ANKRD30BL: variants seen among roughly 807,000 people sequenced by gnomAD.
ANKRD30BL encodes the protein ankyrin repeat domain 30B like, also known as putative ankyrin repeat domain-containing protein 30B-like.
ANKRD30BL carries 20 observed loss-of-function variants against 18.4 expected under a neutral mutation model. That is an observed-to-expected ratio of 1.09 (90% CI 0.77 to 1.58). The LOEUF (loss-of-function observed/expected upper bound fraction) is 1.58. ANKRD30BL is among the 40% of genes most tolerant of loss of function. ANKRD30BL has a pLI of 0.00. For synonymous variants in ANKRD30BL, 72 were observed against 100.9 expected (o/e 0.71, Z 1.72); for missense variants, 224 against 268.6 (o/e 0.83, Z 1.16).
chr2:132,196,192 C>A (rs1678966931), intron 1 of ANKRD30BL, among the ~76,000 whole-genome samples: 2 of 150,992 alleles, frequency 1.3e-5, no homozygotes, highest in South Asian at 4.2e-4. Flanking sequence ...TAAAAACAGG[C>A]AAAAGGCCAG....
intron 1 of ANKRD30BL, among the ~76,000 whole-genome samples, chr2:132,188,042 C>T (rs928811748): frequency 3.9e-5 from 6 of 152,076 alleles, no homozygotes; most frequent in Admixed American, 3.3e-4. Context: ...CCACTGTGCC[C>T]GGCCAGATTC....
chr2:132,254,860 C>A (rs1680777985), intron 1 of ANKRD30BL, among the ~76,000 whole-genome samples: 1 of 152,192 alleles, frequency 6.6e-6, no homozygotes, highest in Non-Finnish European at 1.5e-5. Flanking sequence ...ATCACTCCAG[C>A]AACTAAGGCC....
At chr2:132,190,614 C>T (rs544627894) in intron 1 of ANKRD30BL, among the ~76,000 whole-genome samples, 2 of 152,132 alleles carry the variant, frequency 1.3e-5, no homozygotes, top group East Asian at 1.9e-4. Flanking sequence ...ACATTATAGA[C>T]TATACATGAC....
upstream of ANKRD30BL, among the ~76,000 whole-genome samples, chr2:132,166,060 T>A (rs6714407): frequency 0.33 from 50,561 of 151,902 alleles, 8,440 homozygotes; most frequent in Admixed American, 0.39. Context: ...AGCTTTTTCT[T>A]CATCAGTTGA....
At chr2:132,164,277 T>TTTC (rs1573809583), upstream of ANKRD30BL, among the ~76,000 whole-genome samples, 4 of 135,996 alleles carry the variant, frequency 2.9e-5, no homozygotes, top group East Asian at 8.6e-4. Context: ...TTCTTTTTTT[T>TTTC]TTTTTTTTTT....
At chr2:132,203,964 G>C (rs1431438324) in intron 1 of ANKRD30BL, among the ~76,000 whole-genome samples, 1 of 151,996 alleles carries the variant, frequency 6.6e-6, no homozygotes, top group Non-Finnish European at 1.5e-5. Context: ...ATCATTTTAT[G>C]ATATATCTGA....
rs182402892 is a variant in ANKRD30BL, at chr2:132,197,424, T to C, written n.442-40278A>G. Among the ~76,000 whole-genome samples, 727 of 152,306 alleles carry C rather than the reference T, an allele frequency of 4.8e-3. 18 individuals carry two copies. The East Asian group carries it at 0.065, about 14-fold the overall frequency. ...TTCAAAAAAAGTCTTAAAAGTCTTA[T>C]CCATTTATGAATCGATTTATATTTT... On this transcript the variant is annotated intron_variant and non_coding_transcript_variant, in intron 1 of 4. Transcript: ENST00000470729.
At chr2:132,193,799 C>CAAATA (rs1678907036) in intron 1 of ANKRD30BL, among the ~76,000 whole-genome samples, 1 of 151,152 alleles carries the variant, frequency 6.6e-6, no homozygotes, top group Non-Finnish European at 1.5e-5. Flanking sequence ...TCCCTAATTA[C>CAAATA]AAATGCTCCC....
At chr2:132,235,930 T>C (rs913650071) in intron 1 of ANKRD30BL, among the ~76,000 whole-genome samples, 5 of 152,072 alleles carry the variant, frequency 3.3e-5, no homozygotes, top group African/African-American at 1.2e-4. Flanking sequence ...ACTACCTGAC[T>C]TCAAACTATA....
intron 1 of ANKRD30BL, among the ~76,000 whole-genome samples, chr2:132,251,958 T>C (rs921004110): frequency 5.3e-5 from 8 of 152,376 alleles, no homozygotes; most frequent in African/African-American, 1.4e-4. Flanking sequence ...CTTGTGAAGC[T>C]GGGCTTTTCC....
intron 1 of ANKRD30BL, among the ~76,000 whole-genome samples, chr2:132,167,748 C>T (rs1013990884): frequency 3.9e-5 from 6 of 152,262 alleles, no homozygotes; most frequent in African/African-American, 1.4e-4. Context: ...TGATTATATG[C>T]ATTTTAAGTC....
intron 1 of ANKRD30BL, among the ~76,000 whole-genome samples, chr2:132,229,797 A>G (rs1467071449): frequency 6.6e-6 from 1 of 152,170 alleles, no homozygotes; most frequent in East Asian, 1.9e-4. Context: ...ATATCTTCAC[A>G]TAAAAACTAG....
chr2:132,221,373 G>A (rs1283705794), intron 1 of ANKRD30BL, among the ~76,000 whole-genome samples: 1 of 142,982 alleles, frequency 7.0e-6, no homozygotes, highest in South Asian at 2.2e-4. Context: ...GGGGGAGGGG[G>A]GGTCAGCCCC....
Position 132,229,074 on chromosome 2 carries a change from G to A in ANKRD30BL, n.441+28455C>T, listed in dbSNP as rs537869150. Among the ~76,000 whole-genome samples, 411 of 152,138 alleles carry A rather than the reference G, an allele frequency of 2.7e-3. 3 individuals carry two copies. Among genetic ancestry groups the A allele is most frequent in the African/African-American group, 9.6e-3 (400 of 41,512 alleles). On this transcript the variant is annotated intron_variant and non_coding_transcript_variant, in intron 1 of 4. Transcript: ENST00000470729. ...TTGTATAATCTCTAAGTGGACATTT[G>A]AAGGGCGTTCAGGCCTATGGTGAAA...
At chr2:132,151,883 A>G (rs567224226) in intron 4 of ANKRD30BL, among the ~76,000 whole-genome samples, 8 of 152,282 alleles carry the variant, frequency 5.3e-5, no homozygotes, top group Non-Finnish European at 7.4e-5. Flanking sequence ...TCTGGCTTGG[A>G]CTACTACTAG....
chr2:132,237,152 C>T (rs151150016), intron 1 of ANKRD30BL, among the ~76,000 whole-genome samples: 2,051 of 151,958 alleles, frequency 0.013, 40 homozygotes, highest in African/African-American at 0.047. Flanking sequence ...TGAGGGATAC[C>T]ATTGGGAGAT....
At chr2:132,165,337 T>C (rs576577101), upstream of ANKRD30BL, among the ~76,000 whole-genome samples, 2 of 151,944 alleles carry the variant, frequency 1.3e-5, no homozygotes, top group South Asian at 2.1e-4. Flanking sequence ...AGCTGCTATA[T>C]ATATATTCAT....
chr2:132,221,986 C>G (rs1194946703), intron 1 of ANKRD30BL, among the ~76,000 whole-genome samples: 1 of 137,868 alleles, frequency 7.3e-6, no homozygotes, highest in Non-Finnish European at 1.6e-5. Context: ...CCTGGCCGCC[C>G]CTACTGGGAA....
intron 1 of ANKRD30BL, among the ~76,000 whole-genome samples, chr2:132,212,825 C>T (rs200343804): frequency 1.3e-5 from 2 of 151,774 alleles, no homozygotes; most frequent in African/African-American, 4.8e-5. Context: ...AAAAACTAGA[C>T]AGAAGCATTC....
Sources: gnomAD v4.1 joint callset for allele counts (sites outside exome capture counted in the v4.1 genomes callset) on GRCh38, gnomAD v4.1.1 for gene constraint, MANE v1.5 for transcripts, NCBI Gene and HGNC (gene_info 2026-07-23, HGNC 2026-07-21) for gene names.